The following TRPM3 variants were observed in gnomAD, a reference collection of about 807,000 sequenced individuals.
TRPM3 encodes the protein transient receptor potential cation channel subfamily M member 3.
Under a neutral mutation model 181.2 loss-of-function variants are expected in TRPM3, and 77 were observed. The ratio of observed to expected loss-of-function variants is 0.42; its 90% CI spans 0.35 to 0.51. The LOEUF is 0.51. Ranked by LOEUF, TRPM3 falls within the 20% of genes least tolerant of loss-of-function variation. The pLI is 0.01. For synonymous variants in TRPM3, 745 were observed against 796.4 expected, an observed-to-expected ratio of 0.94 and a Z score of 1.09; for missense variants, 1,759 against 2,196.7, an observed-to-expected ratio of 0.80 and a Z score of 3.98.
intron 1 of TRPM3, among the ~76,000 whole-genome samples, chr9:71,421,943 G>C (rs1026121837): frequency 3.9e-5 from 6 of 152,026 alleles, no homozygotes; most frequent in African/African-American, 1.4e-4. Context: ...GCCACCCCTG[G>C]AGACTCAACG....
upstream of TRPM3, among the ~76,000 whole-genome samples, chr9:71,124,107 G>A (rs189243572): frequency 6.6e-6 from 1 of 152,234 alleles, no homozygotes; most frequent in East Asian, 1.9e-4. Flanking sequence ...AGATTACACT[G>A]CAAAAGAGGT....
At chr9:70,824,820 G>C (rs749910741) in intron 6 of TRPM3, 1 of 152,204 alleles carries the variant, frequency 6.6e-6, no homozygotes, top group African/African-American at 2.4e-5. Flanking sequence ...TGCATTAAAG[G>C]TTTGTATTCT....
chr9:70,784,305 GA>G, intron 6 of TRPM3, 26 bp from the exon 7 acceptor site: 1 of 1,532,736 alleles, frequency 6.5e-7, no homozygotes, highest in Non-Finnish European at 8.8e-7. Context: ...AAAAGAAAAG[GA>G]AAAAAAGAGA....
intron 1 of TRPM3, among the ~76,000 whole-genome samples, chr9:71,322,017 A>G (rs1294006593): frequency 1.3e-5 from 2 of 152,152 alleles, no homozygotes; most frequent in African/African-American, 2.4e-5. Flanking sequence ...CACAGAAGTA[A>G]GAAAGCTAAA....
At chr9:70,802,681 G>A (rs1467850797) in intron 6 of TRPM3, among the ~76,000 whole-genome samples, 3 of 152,050 alleles carry the variant, frequency 2.0e-5, no homozygotes, top group African/African-American at 7.3e-5. Context: ...GCAAAGAGTG[G>A]GAGACATGCA....
intron 8 of TRPM3, among the ~76,000 whole-genome samples, chr9:70,740,185 G>A (rs1187343508): frequency 3.9e-5 from 6 of 152,112 alleles, no homozygotes; most frequent in Non-Finnish European, 7.4e-5. Context: ...CAACGACCAA[G>A]CTGAGAATAA....
At chr9:71,051,594 C>T (rs1403944248) in intron 1 of TRPM3, among the ~76,000 whole-genome samples, 2 of 151,868 alleles carry the variant, frequency 1.3e-5, no homozygotes, top group Non-Finnish European at 2.9e-5. Flanking sequence ...GTGAAAATGG[C>T]GGCGGGGTGG....
At position 71,445,966 on chromosome 9, in the gene TRPM3, GT is replaced by G. The variant is rs558862290; in HGVS notation, c.183+686del. Among the ~76,000 whole-genome samples the G allele has an allele frequency of 2.7e-3, 415 of 152,282 alleles. 2 individuals are homozygous for G. Among genetic ancestry groups the G allele is most frequent in the African/African-American group, 7.8e-3 (322 of 41,546 alleles). On this transcript the variant is annotated intron_variant, in intron 1 of 24. Transcript: ENST00000357533. Reference sequence around the variant, plus strand: ...TACTCAAAATGCAAATGCAGCTAAAGTTTTTTATCAACTGCACTTCTCTACA... The same window carrying G: ...TACTCAAAATGCAAATGCAGCTAAAGTTTTTATCAACTGCACTTCTCTACA...
At chr9:71,195,300 A>C (rs1448914554) in intron 1 of TRPM3, among the ~76,000 whole-genome samples, 2 of 152,126 alleles carry the variant, frequency 1.3e-5, no homozygotes, top group African/African-American at 2.4e-5. Context: ...AGGAACTTAA[A>C]TTTACAAGAA....
At chr9:70,700,543 T>C (rs1362500582) in intron 8 of TRPM3, among the ~76,000 whole-genome samples, 1 of 152,234 alleles carries the variant, frequency 6.6e-6, no homozygotes, top group Non-Finnish European at 1.5e-5. Flanking sequence ...CTGTGCTCTT[T>C]GTTAAAATGC....
At chr9:71,339,480 A>C (rs749253907) in intron 1 of TRPM3, among the ~76,000 whole-genome samples, 1 of 151,018 alleles carries the variant, frequency 6.6e-6, no homozygotes, top group Non-Finnish European at 1.5e-5. Context: ...ATGAATTGAC[A>C]AGCCAATGGA....
intron 19 of TRPM3, among the ~76,000 whole-genome samples, chr9:70,607,226 T>C (rs1206247378): frequency 6.6e-6 from 1 of 152,084 alleles, no homozygotes; most frequent in Non-Finnish European, 1.5e-5. Context: ...TTTCAGAAAC[T>C]TGGGAGAGTA....
chr9:71,325,208 A>C (rs2089578066), intron 1 of TRPM3, among the ~76,000 whole-genome samples: 1 of 152,192 alleles, frequency 6.6e-6, no homozygotes, highest in African/African-American at 2.4e-5. Flanking sequence ...AAACAAAAAC[A>C]AACAGACCTC....
intron 1 of TRPM3, among the ~76,000 whole-genome samples, chr9:71,354,958 G>A (rs2091834189): frequency 6.6e-6 from 1 of 152,110 alleles, no homozygotes; most frequent in Non-Finnish European, 1.5e-5. Flanking sequence ...TTCTTAACAC[G>A]TAAATTATTT....
At chr9:71,358,095 A>T (rs990245323) in intron 1 of TRPM3, among the ~76,000 whole-genome samples, 5 of 152,182 alleles carry the variant, frequency 3.3e-5, no homozygotes, top group African/African-American at 1.2e-4. Flanking sequence ...GAACCTACAT[A>T]CTGACTAGAA....
intron 5 of TRPM3, among the ~76,000 whole-genome samples, chr9:70,828,620 C>T (rs771637369): frequency 2.0e-5 from 3 of 151,638 alleles, no homozygotes; most frequent in Non-Finnish European, 4.4e-5. Context: ...TCAACTCTGT[C>T]TCATTCTACC....
At chr9:70,981,283 G>A (rs572248786) in intron 1 of TRPM3, among the ~76,000 whole-genome samples, 1 of 152,234 alleles carries the variant, frequency 6.6e-6, no homozygotes, top group East Asian at 1.9e-4. Context: ...TAGAGTAAAA[G>A]CATCATTAGT....
intron 7 of TRPM3, among the ~76,000 whole-genome samples, chr9:70,781,283 T>G (rs1588241431): frequency 7.3e-6 from 1 of 137,328 alleles, no homozygotes; most frequent in African/African-American, 2.8e-5. Context: ...TGAGATTGCA[T>G]CACTGCACTC....
At chr9:71,331,638 A>G (rs1588523418) in intron 1 of TRPM3, among the ~76,000 whole-genome samples, 1 of 148,288 alleles carries the variant, frequency 6.7e-6, no homozygotes, top group Non-Finnish European at 1.5e-5. Flanking sequence ...GAGAAGAAAA[A>G]GGAGGAGGAA....
Sources: allele counts gnomAD v4.1 joint callset (sites outside exome capture counted in the v4.1 genomes callset), GRCh38; gene constraint gnomAD v4.1.1; transcripts MANE v1.5; gene names NCBI Gene and HGNC (gene_info 2026-07-23, HGNC 2026-07-21).